B4GALT1: variants seen among roughly 807,000 people sequenced by gnomAD.
The protein encoded by B4GALT1 is beta-1,4-galactosyltransferase 1, also known as N-acetyllactosamine synthase.
In B4GALT1, 16 loss-of-function variants were observed where a neutral mutation model predicts 34.9. The observed-to-expected ratio is 0.46, with a 90% CI of 0.31 to 0.70. The LOEUF (loss-of-function observed/expected upper bound fraction) is 0.70, where lower values mean the gene tolerates loss of function less well. Ranked by LOEUF, B4GALT1 falls within the 30% of genes least tolerant of loss-of-function variation. B4GALT1 has a pLI of 0.05. For missense variants in B4GALT1, 445 were observed against 530.5 expected, an observed-to-expected ratio of 0.84 and a Z score of 1.58; for synonymous variants, 221 against 218.1, an observed-to-expected ratio of 1.01 and a Z score of -0.12.
At chr9:33,142,345 T>C (rs1354305058) in intron 1 of B4GALT1, among the ~76,000 whole-genome samples, 5 of 152,140 alleles carry the variant, frequency 3.3e-5, no homozygotes, top group Non-Finnish European at 7.3e-5. Context: ...ATCTTTAAAC[T>C]TGAACAATAA....
At chr9:33,122,632 G>T (rs1187170535) in intron 2 of B4GALT1, among the ~76,000 whole-genome samples, 2 of 152,176 alleles carry the variant, frequency 1.3e-5, no homozygotes, top group Non-Finnish European at 2.9e-5. Flanking sequence ...GGAACTTGGG[G>T]AAGCAAACCA....
Position 33,111,087 on chromosome 9 carries a change from C to T in B4GALT1, c.*2367G>A, listed in dbSNP as rs895057619. The T allele has an allele frequency of 6.6e-6, 1 of 152,494 alleles. No individual in the cohort carries two copies. Among genetic ancestry groups the T allele is most frequent in the East Asian group, 1.9e-4 (1 of 5,198 alleles). 9.4% of individuals were successfully genotyped at this position (152,494 alleles called of 1,614,324 possible). On this transcript the variant is annotated 3_prime_UTR_variant, in exon 6 of 6. Transcript: ENST00000379731. ...AAATCCCCAGTAAGGAAACAGGACC[C>T]GCGGCATCTCACGGACCAGGCAAAC... is the stretch of plus-strand genomic sequence containing the variant.
At chr9:33,109,691 T>G (rs1839832443), downstream of B4GALT1, among the ~76,000 whole-genome samples, 4 of 152,236 alleles carry the variant, frequency 2.6e-5, no homozygotes, top group African/African-American at 9.6e-5. Flanking sequence ...GACTGGCATC[T>G]GCAGTGGAGG....
At chr9:33,119,199 A>C (rs571657947) in intron 3 of B4GALT1, among the ~76,000 whole-genome samples, 4 of 152,332 alleles carry the variant, frequency 2.6e-5, no homozygotes, top group Admixed American at 2.0e-4. Flanking sequence ...TGTTAATATA[A>C]ACACGGAATT....
chr9:33,139,064 A>G (rs1840310900), intron 1 of B4GALT1, among the ~76,000 whole-genome samples: 1 of 152,180 alleles, frequency 6.6e-6, no homozygotes, highest in African/African-American at 2.4e-5. Flanking sequence ...ACCAAGCCAG[A>G]GAGTCTTTAC....
chr9:33,138,756 A>G (rs1840305979), intron 1 of B4GALT1, among the ~76,000 whole-genome samples: 1 of 152,078 alleles, frequency 6.6e-6, no homozygotes, highest in Admixed American at 6.5e-5. Flanking sequence ...ATGGCTAGCC[A>G]TATGTCATGG....
chr9:33,168,951 AG>A (rs2118366827), upstream of B4GALT1, among the ~76,000 whole-genome samples: 1 of 152,334 alleles, frequency 6.6e-6, no homozygotes, highest in South Asian at 2.1e-4. Flanking sequence ...AGAATCTAAA[AG>A]GTGTCCTTGA....
chr9:33,184,162 G>GTT, the B4GALT1 span, among the ~76,000 whole-genome samples: 1 of 150,426 alleles, frequency 6.6e-6, no homozygotes, highest in South Asian at 2.1e-4. Flanking sequence ...AGAACTTAAA[G>GTT]TATAATAATA....
At chr9:33,142,257 AG>A (rs1231413231) in intron 1 of B4GALT1, among the ~76,000 whole-genome samples, 3 of 152,224 alleles carry the variant, frequency 2.0e-5, no homozygotes, top group African/African-American at 7.2e-5. Context: ...CTGGGATTAC[AG>A]GCACGAGCCA....
chr9:33,109,384 T>C (rs1472975281), downstream of B4GALT1, among the ~76,000 whole-genome samples: 1 of 152,242 alleles, frequency 6.6e-6, no homozygotes, highest in Non-Finnish European at 1.5e-5. Flanking sequence ...GTATCCTTTC[T>C]AATATCACTT....
chr9:33,158,129 C>G (rs964815283), intron 1 of B4GALT1, among the ~76,000 whole-genome samples: 5 of 152,252 alleles, frequency 3.3e-5, no homozygotes, highest in East Asian at 3.9e-4. Flanking sequence ...GTTTTCCCCC[C>G]CACTCGCCAA....
chr9:33,117,076 A>G (rs963261699), intron 3 of B4GALT1, among the ~76,000 whole-genome samples: 1 of 152,142 alleles, frequency 6.6e-6, no homozygotes, highest in Non-Finnish European at 1.5e-5. Flanking sequence ...GTTCCCGCAC[A>G]TGAAGTCCTT....
At chr9:33,141,878 G>A (rs1402586988) in intron 1 of B4GALT1, among the ~76,000 whole-genome samples, 1 of 152,190 alleles carries the variant, frequency 6.6e-6, no homozygotes, top group African/African-American at 2.4e-5. Context: ...AGAAGAGCAG[G>A]GGATGGAGAG....
At chr9:33,151,667 C>T (rs1031137003) in intron 1 of B4GALT1, among the ~76,000 whole-genome samples, 2 of 152,140 alleles carry the variant, frequency 1.3e-5, no homozygotes, top group Non-Finnish European at 2.9e-5. Context: ...TGTTACTTTC[C>T]CTTCTCCCCT....
intron 4 of B4GALT1, 56 bp downstream of exon 4, chr9:33,115,935 A>G (rs931779548): frequency 1.9e-6 from 3 of 1,586,548 alleles, no homozygotes; most frequent in Non-Finnish European, 2.6e-6. Context: ...GCATTGGTTA[A>G]AAAACTGGAA....
At position 33,110,696 on chromosome 9, in the gene B4GALT1, A is replaced by G. The variant is rs961651633; in HGVS notation, c.*2758T>C. ...ATATTATTTAATTTTAAAGGCAAAA[A>G]TACAGTTCTGTTTTGAACACCAAGA... On this transcript the variant is annotated 3_prime_UTR_variant, in exon 6 of 6. Transcript: ENST00000379731. The G allele has an allele frequency of 6.6e-6, 1 of 152,188 alleles. No homozygotes were observed. The highest frequency in any genetic ancestry group is 6.5e-5 in the Admixed American group (1 of 15,280). 9.4% of individuals were successfully genotyped at this position (152,188 alleles called of 1,614,324 possible).
intron 1 of B4GALT1, among the ~76,000 whole-genome samples, chr9:33,136,101 A>G (rs910089941): frequency 5.9e-5 from 9 of 152,158 alleles, no homozygotes; most frequent in Non-Finnish European, 1.2e-4. Context: ...GAGGGAAAAT[A>G]AAAGAAATAG....
At position 33,120,098 on chromosome 9, in the gene B4GALT1, G is replaced by A. The variant is rs149357506; in HGVS notation, c.836+321C>T. The stretch of plus-strand genomic sequence containing the variant: ...ACTCAGGAGGCTGAGGTGACAGGAT[G>A]GCATGAACCCGGGAGGCAGAGGTTG... On this transcript the variant is annotated intron_variant, in intron 3 of 5. Coordinates refer to ENST00000379731, the MANE Select transcript of B4GALT1 (RefSeq NM_001497.4). Among the ~76,000 whole-genome samples, 1,011 of 151,944 alleles carry A rather than the reference G, an allele frequency of 6.7e-3. 4 individuals carry two copies. Among genetic ancestry groups the A allele is most frequent in the Non-Finnish European group, 0.012 (797 of 67,974 alleles).
chr9:33,182,133 T>A, the B4GALT1 span, among the ~76,000 whole-genome samples: 2 of 152,156 alleles, frequency 1.3e-5, no homozygotes, highest in Non-Finnish European at 2.9e-5. Flanking sequence ...TAAGAAAGAA[T>A]TCTTTCTTGC....
Sources: allele counts gnomAD v4.1 joint callset (sites outside exome capture counted in the v4.1 genomes callset), GRCh38; gene constraint gnomAD v4.1.1; transcripts MANE v1.5; gene names NCBI Gene and HGNC (gene_info 2026-07-23, HGNC 2026-07-21).